WDR47: variants seen among roughly 807,000 people sequenced by gnomAD.
The protein encoded by WDR47 is WD repeat-containing protein 47.
Under a neutral mutation model 97.2 loss-of-function variants are expected in WDR47, and 32 were observed. That is an observed-to-expected ratio of 0.33 (90% CI 0.25 to 0.44). The LOEUF (loss-of-function observed/expected upper bound fraction) is 0.44. WDR47 is among the 20% of genes least tolerant of loss of function. The pLI, the probability that WDR47 is intolerant of heterozygous loss-of-function variation, is 1.00. For synonymous variants in WDR47, 375 were observed against 373.5 expected (o/e 1.00, Z -0.05); for missense variants, 782 against 1,102.3 (o/e 0.71, Z 4.11).
rs185152873 is a variant in WDR47 at position 109,021,913 on chromosome 1, T to G, written c.158+1442A>C. Reference sequence around the variant, plus strand: ...CCCAGGCTGGAGTACAGTGGCACCATCATGGCTCACTGCAACCTCTGCCTC... The same window carrying G: ...CCCAGGCTGGAGTACAGTGGCACCAGCATGGCTCACTGCAACCTCTGCCTC... On this transcript the variant is annotated intron_variant, in intron 2 of 14. Transcript: ENST00000369962. Among the ~76,000 whole-genome samples the G allele has an allele frequency of 6.2e-3, 951 of 152,254 alleles. 3 individuals carry two copies. The highest frequency in any genetic ancestry group is 0.021 in the African/African-American group (878 of 41,552).
At chr1:108,997,717 G>T (rs1659863590) in intron 7 of WDR47, among the ~76,000 whole-genome samples, 1 of 129,536 alleles carries the variant, frequency 7.7e-6, no homozygotes. Context: ...CCGAGATAGT[G>T]CCACTGCACT....
At chr1:108,991,351 T>G in intron 8 of WDR47, 22 bp from the exon 9 acceptor site, 1 of 1,590,404 alleles carries the variant, frequency 6.3e-7, no homozygotes, top group Non-Finnish European at 8.6e-7. Context: ...GAAATTCAAG[T>G]AAAGTTTACT....
intron 2 of WDR47, among the ~76,000 whole-genome samples, chr1:109,022,027 T>C (rs557759286): frequency 6.6e-6 from 1 of 152,104 alleles, no homozygotes; most frequent in South Asian, 2.1e-4. Context: ...TTTGTATTTT[T>C]AGTAGAGACG....
At chr1:109,034,723 G>T (rs1662816188) in intron 1 of WDR47, among the ~76,000 whole-genome samples, 1 of 152,120 alleles carries the variant, frequency 6.6e-6, no homozygotes, top group Non-Finnish European at 1.5e-5. Flanking sequence ...CTCACCCCTG[G>T]TCTGTGGAAA....
intron 1 of WDR47, among the ~76,000 whole-genome samples, chr1:109,029,671 C>CTAAATAAATAAA (rs112161424): frequency 2.1e-5 from 3 of 140,586 alleles, no homozygotes; most frequent in East Asian, 2.0e-4. Context: ...GACTCTGTCT[C>CTAAATAAATAAA]TAAATAAATA....
At chr1:108,991,124 T>C (rs1156948984) in intron 9 of WDR47, 130 bp downstream of exon 9, 3 of 697,022 alleles carry the variant, frequency 4.3e-6, no homozygotes, top group Non-Finnish European at 6.9e-6. Context: ...GACATTCTTC[T>C]GCCTCGGCCT....
chr1:109,026,508 G>C (rs1304175138), intron 1 of WDR47, among the ~76,000 whole-genome samples: 1 of 152,058 alleles, frequency 6.6e-6, no homozygotes, highest in Non-Finnish European at 1.5e-5. Flanking sequence ...GCTCCTTGCA[G>C]AGCAGGCTAC....
In WDR47 at chr1:108,971,233, C is replaced by T. The variant is rs1267353663; in HGVS notation, c.*197G>A. On this transcript the variant is annotated 3_prime_UTR_variant, in exon 15 of 15. Coordinates refer to ENST00000369962, the MANE Select transcript of WDR47 (RefSeq NM_001142551.2). Reference sequence around the variant, plus strand: ...CTACATATAGCAGGTCACAGCAGCACGAGCTCACATGGAAGACTGAAAGCA... The same window carrying T: ...CTACATATAGCAGGTCACAGCAGCATGAGCTCACATGGAAGACTGAAAGCA... 2.0e-5 allele frequency: 13 copies of T among 658,138 alleles called. No homozygotes were observed. The highest frequency in any genetic ancestry group is 4.4e-4 in the Middle Eastern group (1 of 2,298). The allele number at this position is 658,138 out of a possible 1,614,324, so 40.8% of individuals were successfully genotyped here.
chr1:108,983,552 G>A (rs749816331), intron 10 of WDR47, 101 bp from the exon 11 acceptor site: 110 of 1,011,074 alleles, frequency 1.1e-4, no homozygotes, highest in Non-Finnish European at 1.2e-4. Context: ...GAGAAAAAGC[G>A]TGTCAGACAA....
At chr1:109,002,625 T>C (rs1322189884) in intron 6 of WDR47, among the ~76,000 whole-genome samples, 1 of 152,224 alleles carries the variant, frequency 6.6e-6, no homozygotes, top group East Asian at 1.9e-4. Context: ...AAATGAATGG[T>C]TGCCTTGGTT....
chr1:108,974,496 A>C (rs1401382637), intron 14 of WDR47, 40 bp downstream of exon 14: 2 of 1,565,402 alleles, frequency 1.3e-6, no homozygotes, highest in Non-Finnish European at 1.8e-6. Context: ...TCCCAAATAG[A>C]ACAGGAAAGA....
At chr1:108,986,870 G>T in intron 9 of WDR47, 190 bp from the exon 10 acceptor site, 1 of 488,206 alleles carries the variant, frequency 2.0e-6, no homozygotes, top group Non-Finnish European at 3.6e-6. Flanking sequence ...TCCTTTAAGA[G>T]GCAAACACAC....
intron 5 of WDR47, 54 bp from the exon 6 acceptor site, chr1:109,004,769 A>T: frequency 6.6e-7 from 1 of 1,523,976 alleles, no homozygotes; most frequent in South Asian, 1.3e-5. Flanking sequence ...AGTAAAGGAA[A>T]ATATATTTTA....
chr1:108,976,023 C>T (rs1274707706), intron 13 of WDR47, among the ~76,000 whole-genome samples: 3 of 152,128 alleles, frequency 2.0e-5, no homozygotes, highest in Non-Finnish European at 4.4e-5. Context: ...TAGGTTAGGG[C>T]CAGGCCGTCA....
intron 3 of WDR47, 134 bp downstream of exon 3, chr1:109,017,384 C>G (rs1661494908): frequency 8.3e-6 from 6 of 726,994 alleles, no homozygotes; most frequent in South Asian, 8.2e-5. Context: ...GCTTGGGTGA[C>G]AGAGAGAGAT....
At chr1:108,980,585 C>T (rs571147450) in intron 13 of WDR47, among the ~76,000 whole-genome samples, 24 of 151,754 alleles carry the variant, frequency 1.6e-4, no homozygotes, top group African/African-American at 5.1e-4. Flanking sequence ...CAAAATTAGC[C>T]GGGTATGGTG....
rs187446210 is a variant in WDR47 at position 109,010,335 on chromosome 1, T to C, written c.1130+581A>G. Among the ~76,000 whole-genome samples the C allele has an allele frequency of 3.8e-3, 575 of 152,296 alleles. 3 individuals carry two copies. The highest frequency in any genetic ancestry group is 6.3e-3 in the Non-Finnish European group (427 of 68,024). On this transcript the variant is annotated intron_variant, in intron 5 of 14. Transcript: ENST00000369962. ...ACTTTGGGAGGCCAAGGCAGGATGA[T>C]TGCTTCACTTGAGTCCAGGAGTTTG...
chr1:109,009,007 C>G (rs2101932675), intron 5 of WDR47, among the ~76,000 whole-genome samples: 2 of 152,124 alleles, frequency 1.3e-5, no homozygotes, highest in Admixed American at 1.3e-4. Flanking sequence ...ATCGCTTGAA[C>G]CCGGGAGGCA....
At chr1:109,024,746 C>T (rs1032493810) in intron 1 of WDR47, 12 of 152,378 alleles carry the variant, frequency 7.9e-5, no homozygotes, top group African/African-American at 2.7e-4. Flanking sequence ...GGAGTAGCCA[C>T]AAAGAAACTT....
Sources: gnomAD v4.1 joint callset for allele counts (sites outside exome capture counted in the v4.1 genomes callset) on GRCh38, gnomAD v4.1.1 for gene constraint, MANE v1.5 for transcripts, NCBI Gene and HGNC (gene_info 2026-07-23, HGNC 2026-07-21) for gene names.